The following COL21A1 variants were observed in gnomAD, a reference collection of about 807,000 sequenced individuals.
COL21A1 encodes collagen type XXI alpha 1 chain.
In COL21A1, 149 loss-of-function variants were observed where a neutral mutation model predicts 137.9. That is an observed-to-expected ratio of 1.08 (90% CI 0.95 to 1.24). The LOEUF is 1.24. Among genes scored for constraint, COL21A1 ranks in the 50% most tolerant of loss-of-function variants. The pLI is 0.00. For synonymous variants in COL21A1, 456 were observed against 391.5 expected (o/e 1.16, Z -1.95); for missense variants, 1,167 against 1,158.4 (o/e 1.01, Z -0.11).
intron 17 of COL21A1, among the ~76,000 whole-genome samples, chr6:56,086,197 C>T (rs1442282197): frequency 6.6e-6 from 1 of 151,962 alleles, no homozygotes; most frequent in Non-Finnish European, 1.5e-5. Context: ...ATTCTTAACA[C>T]TCTGCCTGTC....
chr6:56,230,756 T>A (rs557517492), intron 1 of COL21A1, among the ~76,000 whole-genome samples: 1 of 152,056 alleles, frequency 6.6e-6, no homozygotes, highest in South Asian at 2.1e-4. Context: ...TATTTTCAAC[T>A]GAGAAAATAC....
chr6:56,377,129 C>T (rs1581789213), intron 1 of COL21A1, among the ~76,000 whole-genome samples: 1 of 152,044 alleles, frequency 6.6e-6, no homozygotes, highest in East Asian at 1.9e-4. Context: ...AGGCATGTGC[C>T]ACCATGCCCA....
At chr6:56,346,275 A>G (rs1186610080) in intron 1 of COL21A1, among the ~76,000 whole-genome samples, 1 of 152,166 alleles carries the variant, frequency 6.6e-6, no homozygotes, top group Non-Finnish European at 1.5e-5. Flanking sequence ...AATCCTGTAC[A>G]TTGGTTTGTC....
At position 56,077,511 on chromosome 6, in the gene COL21A1, A is replaced by C. The variant is rs1401466293; in HGVS notation, c.1857+18T>G. The C allele has an allele frequency of 6.4e-7, 1 of 1,555,326 alleles. No individual in the cohort carries two copies. Among genetic ancestry groups the C allele is most frequent in the Non-Finnish European group, 8.7e-7 (1 of 1,143,430 alleles). Reference sequence around the variant, plus strand: ...ATGAGCAGATCCAGGCCCAAAGCTAACTCTCATGAATACTTACCTTTTGGC... The same window carrying C: ...ATGAGCAGATCCAGGCCCAAAGCTACCTCTCATGAATACTTACCTTTTGGC... On this transcript the variant is annotated intron_variant, in intron 18 of 29. Coordinates refer to ENST00000244728, the MANE Select transcript of COL21A1 (RefSeq NM_030820.4).
intron 1 of COL21A1, among the ~76,000 whole-genome samples, chr6:56,270,703 C>G (rs946687613): frequency 2.0e-5 from 3 of 152,156 alleles, no homozygotes; most frequent in Non-Finnish European, 2.9e-5. Flanking sequence ...TAGGAGGTGA[C>G]TGAAACATAG....
At chr6:56,275,335 T>C (rs1329790443) in intron 1 of COL21A1, among the ~76,000 whole-genome samples, 2 of 152,126 alleles carry the variant, frequency 1.3e-5, no homozygotes, top group Non-Finnish European at 2.9e-5. Flanking sequence ...CCAAAAGCAA[T>C]TGTAACACAA....
intron 1 of COL21A1, among the ~76,000 whole-genome samples, chr6:56,268,159 A>G (rs1213718729): frequency 6.6e-6 from 1 of 152,194 alleles, no homozygotes; most frequent in African/African-American, 2.4e-5. Flanking sequence ...ACACTCTCAG[A>G]GCACTAAGAA....
Position 56,121,051 on chromosome 6 carries a change from T to C in COL21A1, c.1758+3011A>G, listed in dbSNP as rs181592509. Among the ~76,000 whole-genome samples, 81 of 152,228 alleles carry C rather than the reference T, an allele frequency of 5.3e-4. 2 individuals carry two copies. In the South Asian group the frequency reaches 0.016, roughly 31 times the overall value. On this transcript the variant is annotated intron_variant, in intron 16 of 29. Coordinates refer to ENST00000244728, the MANE Select transcript of COL21A1 (RefSeq NM_030820.4). The stretch of plus-strand genomic sequence containing the variant: ...CATAAAAATCAATGAGATCCAGTCA[T>C]TTGCAACAACATGGATCAAACTAGA...
intron 12 of COL21A1, among the ~76,000 whole-genome samples, chr6:56,135,263 A>C (rs1773909234): frequency 1.3e-5 from 2 of 152,140 alleles, no homozygotes; most frequent in African/African-American, 4.8e-5. Context: ...ATGCATATAA[A>C]AATCAATCTT....
chr6:56,383,573 G>C (rs1393521847), intron 1 of COL21A1, among the ~76,000 whole-genome samples: 3 of 152,064 alleles, frequency 2.0e-5, no homozygotes, highest in Non-Finnish European at 2.9e-5. Context: ...ACTTTCCCGG[G>C]TTATTCTCAC....
In COL21A1 at chr6:56,182,602, G is replaced by GT; in HGVS notation, c.16dup (p.Thr6AsnfsTer18). On this transcript the variant is annotated frameshift_variant, in exon 2 of 30. Coordinates refer to ENST00000244728, the MANE Select transcript of COL21A1 (RefSeq NM_030820.4). LOFTEE classifies it high-confidence loss of function. The stretch of plus-strand genomic sequence containing the variant: ...CAGCACCAAAACCATGCAGAGAAAT[G>GT]TAATATAGTGAGCCATGTTTCTGTT... The GT allele has an allele frequency of 6.2e-7, 1 of 1,602,194 alleles. No homozygotes were observed. The highest frequency in any genetic ancestry group is 8.5e-7 in the Non-Finnish European group (1 of 1,173,214).
chr6:56,343,257 A>T (rs1271692998), intron 1 of COL21A1, among the ~76,000 whole-genome samples: 1 of 152,130 alleles, frequency 6.6e-6, no homozygotes, highest in Non-Finnish European at 1.5e-5. Context: ...TCCACAAAAA[A>T]GCTTACAATT....
chr6:56,137,761 GA>G (rs1430624144), intron 12 of COL21A1, among the ~76,000 whole-genome samples: 1 of 151,602 alleles, frequency 6.6e-6, no homozygotes, highest in African/African-American at 2.4e-5. Flanking sequence ...GACAGAAGAG[GA>G]ATAACATCCA....
At chr6:56,153,744 C>T (rs1415726973) in intron 10 of COL21A1, among the ~76,000 whole-genome samples, 2 of 152,196 alleles carry the variant, frequency 1.3e-5, no homozygotes, top group East Asian at 1.9e-4. Flanking sequence ...AACAATAACA[C>T]ACCTAATAGG....
chr6:56,161,526 A>G (rs1561932090), intron 9 of COL21A1, among the ~76,000 whole-genome samples: 3 of 152,200 alleles, frequency 2.0e-5, no homozygotes, highest in Admixed American at 6.5e-5. Context: ...TCCTTTAACA[A>G]AAAGTATTAC....
intron 1 of COL21A1, among the ~76,000 whole-genome samples, chr6:56,279,553 A>G (rs548889886): frequency 5.3e-5 from 8 of 152,282 alleles, no homozygotes; most frequent in Non-Finnish European, 1.2e-4. Flanking sequence ...GGCCCATTCC[A>G]TTCCAATTGT....
chr6:56,335,505 C>T (rs992039015), intron 1 of COL21A1, among the ~76,000 whole-genome samples: 1 of 152,194 alleles, frequency 6.6e-6, no homozygotes, highest in Admixed American at 6.5e-5. Context: ...CCTCTTTCAA[C>T]TTAGGACCAA....
Position 56,266,921 on chromosome 6 carries a change from T to C in COL21A1, c.-38-84265A>G, listed in dbSNP as rs79222793. Among the ~76,000 whole-genome samples the C allele has an allele frequency of 1.1e-4, 17 of 152,338 alleles. No individual in the cohort carries two copies. The East Asian group carries it at 2.5e-3, about 22-fold the overall frequency. ...GCTCATATTGACTCAGTCACATCTATATATTATTCACAGCAAACAGCTCGG... is the reference window on the plus strand; with the variant it reads ...GCTCATATTGACTCAGTCACATCTACATATTATTCACAGCAAACAGCTCGG... On this transcript the variant is annotated intron_variant, in intron 1 of 28. Transcript: ENST00000370819.
At chr6:56,375,830 G>T (rs2093998235) in intron 1 of COL21A1, among the ~76,000 whole-genome samples, 1 of 152,154 alleles carries the variant, frequency 6.6e-6, no homozygotes, top group South Asian at 2.1e-4. Context: ...CAAGTTGAAT[G>T]AGAATGAGGG....
Sources: allele counts gnomAD v4.1 joint callset (sites outside exome capture counted in the v4.1 genomes callset), GRCh38; gene constraint gnomAD v4.1.1; transcripts MANE v1.5; gene names NCBI Gene and HGNC (gene_info 2026-07-23, HGNC 2026-07-21).